Variants in PPP1R9A observed in about 807,000 individuals in gnomAD.
The protein encoded by PPP1R9A is neurabin-1.
PPP1R9A carries 59 observed loss-of-function variants against 141.9 expected under a neutral mutation model. The observed-to-expected ratio is 0.42, with a 90% confidence interval of 0.34 to 0.52. PPP1R9A has a LOEUF of 0.52. Ranked by LOEUF, PPP1R9A falls within the 20% of genes least tolerant of loss-of-function variation. The probability of loss-of-function intolerance (pLI) is 0.10; values close to 1 mark genes in which losing one functional copy is unlikely to be tolerated. For synonymous variants in PPP1R9A, 500 were observed against 569.7 expected (o/e 0.88, Z 1.74); for missense variants, 1,444 against 1,611.9 (o/e 0.90, Z 1.78).
intron 5 of PPP1R9A, among the ~76,000 whole-genome samples, chr7:95,194,317 A>G (rs1835922940): frequency 6.6e-6 from 1 of 152,070 alleles, no homozygotes; most frequent in South Asian, 2.1e-4. Context: ...TTAACCATAA[A>G]AAACATAATA....
chr7:95,100,966 C>G (rs1818706928), intron 2 of PPP1R9A, among the ~76,000 whole-genome samples: 1 of 149,582 alleles, frequency 6.7e-6, no homozygotes, highest in Admixed American at 6.7e-5. Flanking sequence ...CATTCTCCTG[C>G]CTCAGCCTCC....
At position 95,105,615 on chromosome 7, in the gene PPP1R9A, G is replaced by A. The variant is rs1288894569; in HGVS notation, c.1396-5644G>A. 3.9e-5 allele frequency among the ~76,000 whole-genome samples: 6 copies of A among 152,348 alleles called. 1 individual carries two copies. The highest frequency in any genetic ancestry group is 1.4e-4 in the African/African-American group (6 of 41,580). On this transcript the variant is annotated intron_variant, in intron 2 of 19. Coordinates refer to ENST00000433360, the MANE Select transcript of PPP1R9A (RefSeq NM_001166160.2). ...GTTGAACATTAGGACTCAGAATGCT[G>A]TTGGCCTTTAGAGTTTTTTGTGTTG...
chr7:95,039,241 G>A (rs574308095), intron 2 of PPP1R9A, among the ~76,000 whole-genome samples: 1 of 152,198 alleles, frequency 6.6e-6, no homozygotes, highest in South Asian at 2.1e-4. Context: ...AGCACAGATG[G>A]GCTATGTAAG....
At chr7:95,051,650 A>G (rs535825935) in intron 2 of PPP1R9A, among the ~76,000 whole-genome samples, 3 of 152,172 alleles carry the variant, frequency 2.0e-5, no homozygotes, top group South Asian at 4.1e-4. Flanking sequence ...AAAGTATACT[A>G]TTTTCTGGGG....
intron 16 of PPP1R9A, among the ~76,000 whole-genome samples, chr7:95,280,195 T>C (rs1585615338): frequency 6.6e-6 from 1 of 152,230 alleles, no homozygotes. Flanking sequence ...TAGAACCTTA[T>C]AGAATTACTT....
Position 95,252,035 on chromosome 7 carries a change from T to C in PPP1R9A, c.2570T>C (p.Phe857Ser), listed in dbSNP as rs1213400716. Residue 857 changes from phenylalanine (F) to serine (S), a missense_variant, in exon 12 of 20, where the codon TTT (phenylalanine) becomes TCT (serine). Physicochemically the swap from Phe to Ser is radical, Grantham distance 155. Around this residue, in one of 5 missense-constraint regions of PPP1R9A, gnomAD observed 488 missense variants for 542.0 expected, o/e 0.90. Transcript: ENST00000433360. ...GTQVNNNNNI[F>S]ERRTSLGEVS... ...CAAGTTAACAATAATAACAACATCT[T>C]TGAGAGAAGAACATCTCTTGGTGAA... 3 of 1,613,432 alleles carry C rather than the reference T, an allele frequency of 1.9e-6. No individual in the cohort carries two copies. The African/African-American group carries it at 4.0e-5, about 22-fold the overall frequency.
rs1804837182 is a variant in PPP1R9A at position 95,284,197 on chromosome 7, C to T, written c.3476C>T (p.Ser1159Leu). ...SLQPSPETLI[S>L]DKKGSKVENT... ...CAGCCTTCTCCTGAGACTCTAATTT[C>T]AGATAAAAAGGGGTCCAAGGTAGAA... The change falls in exon 17 of 20, where the codon TCA (serine) becomes TTA (leucine). Residue 1159 changes from serine to leucine, a missense_variant. Coordinates refer to ENST00000433360, the MANE Select transcript of PPP1R9A (RefSeq NM_001166160.2). 4 of 1,581,100 alleles carry T rather than the reference C, an allele frequency of 2.5e-6. No individual in the cohort carries two copies. The highest frequency in any genetic ancestry group is 2.6e-6 in the Non-Finnish European group (3 of 1,163,060).
At chr7:95,054,922 C>A (rs1011055904) in intron 2 of PPP1R9A, among the ~76,000 whole-genome samples, 20 of 152,102 alleles carry the variant, frequency 1.3e-4, no homozygotes, top group African/African-American at 4.6e-4. Flanking sequence ...CAAAAATGTT[C>A]TTTGAATAAA....
intron 7 of PPP1R9A, among the ~76,000 whole-genome samples, chr7:95,207,295 G>A (rs1791024942): frequency 6.6e-6 from 1 of 152,034 alleles, no homozygotes. Flanking sequence ...TACCAAACTA[G>A]AACAAATATC....
chr7:94,995,749 T>A (rs1241622294), intron 2 of PPP1R9A, among the ~76,000 whole-genome samples: 3 of 152,146 alleles, frequency 2.0e-5, no homozygotes, highest in African/African-American at 7.2e-5. Flanking sequence ...CTAAAATTTG[T>A]GCCCATTGTG....
At chr7:94,942,097 G>T (rs10243960) in intron 2 of PPP1R9A, among the ~76,000 whole-genome samples, 1 of 152,068 alleles carries the variant, frequency 6.6e-6, no homozygotes, top group Non-Finnish European at 1.5e-5. Flanking sequence ...AAAAAGAAAA[G>T]AAATTTAATG....
intron 2 of PPP1R9A, among the ~76,000 whole-genome samples, chr7:95,028,347 G>A (rs1048707320): frequency 3.3e-5 from 5 of 151,712 alleles, no homozygotes; most frequent in African/African-American, 1.2e-4. Context: ...TCTAATCAGG[G>A]GTATAAATGA....
At chr7:94,932,245 CT>C (rs899536996) in intron 2 of PPP1R9A, among the ~76,000 whole-genome samples, 3 of 152,108 alleles carry the variant, frequency 2.0e-5, no homozygotes, top group African/African-American at 7.2e-5. Flanking sequence ...AGCCAAAAGG[CT>C]TTTGTGTCAT....
intron 4 of PPP1R9A, among the ~76,000 whole-genome samples, chr7:95,132,900 C>G (rs950757408): frequency 2.0e-5 from 3 of 152,134 alleles, no homozygotes; most frequent in African/African-American, 7.2e-5. Flanking sequence ...CAGCTCTCAC[C>G]CAGAGAGTCC....
intron 2 of PPP1R9A, among the ~76,000 whole-genome samples, chr7:95,089,908 C>T (rs1817110243): frequency 6.6e-6 from 1 of 151,908 alleles, no homozygotes; most frequent in South Asian, 2.1e-4. Flanking sequence ...GAACTAAGCT[C>T]AGGAAATTTC....
At chr7:95,250,361 A>G (rs889044569) in intron 10 of PPP1R9A, 106 bp downstream of exon 10, 13 of 987,800 alleles carry the variant, frequency 1.3e-5, no homozygotes, top group Middle Eastern at 6.2e-4. Flanking sequence ...CCTTAGAGAT[A>G]TCTTTCCTAT....
chr7:95,017,825 T>G (rs2151686091), intron 2 of PPP1R9A, among the ~76,000 whole-genome samples: 1 of 152,328 alleles, frequency 6.6e-6, no homozygotes, highest in Non-Finnish European at 1.5e-5. Flanking sequence ...GTACCTGTTC[T>G]AAGACAAATT....
chr7:95,261,552 T>G (rs575689634), intron 12 of PPP1R9A, among the ~76,000 whole-genome samples: 106 of 152,266 alleles, frequency 7.0e-4, no homozygotes, highest in Non-Finnish European at 1.4e-3. Context: ...AAAAGGTCAT[T>G]CAGGTATTAA....
intron 15 of PPP1R9A, 38 bp from the exon 16 acceptor site, chr7:95,274,047 T>G (rs566370370): frequency 3.1e-5 from 47 of 1,505,448 alleles, no homozygotes; most frequent in Non-Finnish European, 4.3e-5. Context: ...AAGAGAAAAT[T>G]TCAGCTTCCC....
Sources: gnomAD v4.1 joint callset for allele counts (sites outside exome capture counted in the v4.1 genomes callset) on GRCh38, gnomAD v4.1.1 for gene constraint, gnomAD v4.1.1 regional missense constraint, MANE v1.5 for transcripts, NCBI Gene and HGNC (gene_info 2026-07-23, HGNC 2026-07-21) for gene names.